GNAQ: variants seen among roughly 807,000 people sequenced by gnomAD.
GNAQ encodes G protein subunit alpha q.
Under a neutral mutation model 43.9 loss-of-function variants are expected in GNAQ, and 8 were observed. The observed-to-expected ratio is 0.18, with a 90% CI of 0.11 to 0.33. The LOEUF is 0.33. GNAQ is among the 10% of genes least tolerant of loss of function. The probability of loss-of-function intolerance (pLI) is 1.00; values close to 1 mark genes in which losing one functional copy is unlikely to be tolerated. For missense variants in GNAQ, 158 were observed against 450.8 expected (o/e 0.35, Z 5.88); for synonymous variants, 155 against 170.7 (o/e 0.91, Z 0.71).
At chr9:77,831,827 CAAGTAAT>C (rs1827302544) in intron 2 of GNAQ, among the ~76,000 whole-genome samples, 1 of 152,206 alleles carries the variant, frequency 6.6e-6, no homozygotes, top group African/African-American at 2.4e-5. Flanking sequence ...GGATGAGCTG[CAAGTAAT>C]AAGTATTCAT....
intron 1 of GNAQ, among the ~76,000 whole-genome samples, chr9:77,982,971 A>C (rs1823387545): frequency 6.6e-6 from 1 of 152,174 alleles, no homozygotes; most frequent in Non-Finnish European, 1.5e-5. Flanking sequence ...AAAAGTCAAA[A>C]CCAGTATTAA....
At chr9:78,026,550 C>T (rs542968371) in intron 1 of GNAQ, among the ~76,000 whole-genome samples, 4 of 152,246 alleles carry the variant, frequency 2.6e-5, no homozygotes, top group African/African-American at 9.6e-5. Flanking sequence ...CCATATTTTG[C>T]TATTTTTAGG....
intron 2 of GNAQ, among the ~76,000 whole-genome samples, chr9:77,849,126 A>G (rs922837097): frequency 6.6e-6 from 1 of 152,088 alleles, no homozygotes; most frequent in African/African-American, 2.4e-5. Flanking sequence ...ATGAGAACAC[A>G]TGAGTCACAG....
At chr9:77,779,600 A>G (rs1322257746) in intron 5 of GNAQ, among the ~76,000 whole-genome samples, 1 of 151,326 alleles carries the variant, frequency 6.6e-6, no homozygotes, top group Non-Finnish European at 1.5e-5. Context: ...AATCAACAGA[A>G]GAAAATGAAA....
intron 5 of GNAQ, among the ~76,000 whole-genome samples, chr9:77,775,567 G>C (rs1451130276): frequency 6.6e-6 from 1 of 151,776 alleles, no homozygotes; most frequent in South Asian, 2.1e-4. Context: ...CCGCCACCAC[G>C]CCCAGCTAAA....
At chr9:77,906,981 C>T (rs1281552233) in intron 2 of GNAQ, among the ~76,000 whole-genome samples, 1 of 152,036 alleles carries the variant, frequency 6.6e-6, no homozygotes, top group Non-Finnish European at 1.5e-5. Flanking sequence ...TCTTCTTTTG[C>T]TTTTCTATGT....
chr9:77,728,167 A>G (rs1334240742), intron 6 of GNAQ, among the ~76,000 whole-genome samples: 1 of 151,830 alleles, frequency 6.6e-6, no homozygotes, highest in Non-Finnish European at 1.5e-5. Flanking sequence ...GCTAATTTTT[A>G]TATTTTTAGT....
intron 1 of GNAQ, among the ~76,000 whole-genome samples, chr9:78,014,184 TA>T: frequency 6.6e-6 from 1 of 152,076 alleles, no homozygotes; most frequent in Admixed American, 6.5e-5. Context: ...GGAGGAGGAA[TA>T]GGGGTAGCTG....
chr9:77,737,175 T>C (rs1223819815), intron 5 of GNAQ, among the ~76,000 whole-genome samples: 1 of 152,234 alleles, frequency 6.6e-6, no homozygotes, highest in East Asian at 1.9e-4. Flanking sequence ...CACCCATTAT[T>C]CTGTGCTATC....
intron 5 of GNAQ, among the ~76,000 whole-genome samples, chr9:77,762,585 A>T (rs71487630): frequency 1.4e-5 from 2 of 143,834 alleles, no homozygotes; most frequent in Non-Finnish European, 3.1e-5. Flanking sequence ...CCACCACCCC[A>T]TCTGGGAGGT....
intron 5 of GNAQ, among the ~76,000 whole-genome samples, chr9:77,771,178 T>C (rs954389115): frequency 2.0e-5 from 3 of 152,168 alleles, no homozygotes; most frequent in African/African-American, 7.2e-5. Context: ...TTAAATTCTA[T>C]GCTATCTCTT....
intron 3 of GNAQ, among the ~76,000 whole-genome samples, chr9:77,800,904 G>GA (rs1244703908): frequency 6.6e-6 from 1 of 152,094 alleles, no homozygotes; most frequent in Admixed American, 6.6e-5. Flanking sequence ...TATTTCAGAG[G>GA]AATCAAATAA....
chr9:77,796,589 C>T (rs1185834547), intron 4 of GNAQ, among the ~76,000 whole-genome samples: 1 of 152,138 alleles, frequency 6.6e-6, no homozygotes, highest in Non-Finnish European at 1.5e-5. Context: ...ATTATCCAGA[C>T]AGAACACCAG....
chr9:77,863,602 G>A (rs898114613), intron 2 of GNAQ, among the ~76,000 whole-genome samples: 2 of 152,066 alleles, frequency 1.3e-5, no homozygotes, highest in African/African-American at 4.8e-5. Context: ...TTTCAGCAGT[G>A]CCCCACTCTA....
At chr9:77,739,537 A>G in intron 5 of GNAQ, among the ~76,000 whole-genome samples, 1 of 152,254 alleles carries the variant, frequency 6.6e-6, no homozygotes, top group Non-Finnish European at 1.5e-5. Flanking sequence ...AGATTAAAAC[A>G]GCTTTGATAT....
chr9:77,965,099 CTCT>C (rs138371630), intron 1 of GNAQ, among the ~76,000 whole-genome samples: 54,261 of 151,758 alleles, frequency 0.36, 11,556 homozygotes, highest in Non-Finnish European at 0.47. Flanking sequence ...ATTTTATTTC[CTCT>C]TTTTTTATTC....
At chr9:77,859,209 T>C (rs910625684) in intron 2 of GNAQ, among the ~76,000 whole-genome samples, 1 of 152,166 alleles carries the variant, frequency 6.6e-6, no homozygotes, top group African/African-American at 2.4e-5. Flanking sequence ...TCCAGTACTA[T>C]TCTATAACGT....
chr9:77,941,854 A>G (rs534212620), intron 1 of GNAQ, among the ~76,000 whole-genome samples: 40 of 151,876 alleles, frequency 2.6e-4, no homozygotes, highest in African/African-American at 9.4e-4. Context: ...CTGCAAATTC[A>G]TATGTAAACC....
intron 2 of GNAQ, among the ~76,000 whole-genome samples, chr9:77,826,385 G>A (rs573270076): frequency 9.2e-5 from 14 of 152,260 alleles, no homozygotes; most frequent in Middle Eastern, 3.4e-3. Flanking sequence ...TGTTGAATCT[G>A]ACTCCTACCA....
Sources: gnomAD v4.1 joint callset for allele counts (sites outside exome capture counted in the v4.1 genomes callset) on GRCh38, gnomAD v4.1.1 for gene constraint, MANE v1.5 for transcripts, NCBI Gene and HGNC (gene_info 2026-07-23, HGNC 2026-07-21) for gene names.